TMEM131L: variants seen among roughly 807,000 people sequenced by gnomAD.
TMEM131L encodes transmembrane 131 like.
A neutral mutation model predicts 192.2 loss-of-function variants in TMEM131L; 54 were observed. The observed-to-expected ratio is 0.28, with a 90% CI of 0.23 to 0.35. The LOEUF (loss-of-function observed/expected upper bound fraction) is 0.35, where lower values mean the gene tolerates loss of function less well. Ranked by LOEUF, TMEM131L falls within the 10% of genes least tolerant of loss-of-function variation. TMEM131L has a pLI of 1.00. For missense variants in TMEM131L, 1,888 were observed against 1,972.9 expected (o/e 0.96, Z 0.82); for synonymous variants, 701 against 704.9 (o/e 0.99, Z 0.09).
intron 3 of TMEM131L, among the ~76,000 whole-genome samples, chr4:153,546,547 T>C (rs1737189241): frequency 6.6e-6 from 1 of 152,246 alleles, no homozygotes; most frequent in South Asian, 2.1e-4. Context: ...TATAATTTCT[T>C]GGCACTGATA....
chr4:153,607,561 A>G, intron 25 of TMEM131L, among the ~76,000 whole-genome samples: 1 of 152,170 alleles, frequency 6.6e-6, no homozygotes, highest in Non-Finnish European at 1.5e-5. Context: ...AAAGTATACA[A>G]ATGGTCTGTA....
chr4:153,485,680 T>C (rs1732282027), intron 3 of TMEM131L, among the ~76,000 whole-genome samples: 1 of 152,202 alleles, frequency 6.6e-6, no homozygotes, highest in Admixed American at 6.5e-5. Flanking sequence ...AGTGTTCGAT[T>C]GGTAGTTATG....
intron 4 of TMEM131L, among the ~76,000 whole-genome samples, chr4:153,551,809 A>C (rs965441044): frequency 6.6e-6 from 1 of 152,234 alleles, no homozygotes; most frequent in African/African-American, 2.4e-5. Context: ...AGAAAGTTTA[A>C]TAGAAGCTGA....
rs138928614 is a variant in TMEM131L, at chr4:153,554,045, C to T, written c.309-1742C>T. 1.1e-4 allele frequency: 17 copies of T among 152,270 alleles called. No individual in the cohort carries two copies. The East Asian group carries it at 3.1e-3, about 28-fold the overall frequency. 9.4% of individuals were successfully genotyped at this position (152,270 alleles called of 1,614,324 possible). A position where few individuals can be genotyped will look rare whatever the true frequency, so the allele number is the denominator to read the frequency against. ...CATTCTTATTTTCTCATGTATTTCT[C>T]TGATAGACATTTGTATTCTTAGAAA... On this transcript the variant is annotated intron_variant, in intron 4 of 34. Coordinates refer to ENST00000409959, the MANE Select transcript of TMEM131L (RefSeq NM_001131007.2).
At chr4:153,496,812 A>G (rs546139882) in intron 3 of TMEM131L, among the ~76,000 whole-genome samples, 494 of 150,124 alleles carry the variant, frequency 3.3e-3, no homozygotes, top group Non-Finnish European at 5.6e-3. Flanking sequence ...TTGGCCTCCC[A>G]AAGTGCTGGG....
chr4:153,552,214 A>G (rs1737678713), intron 4 of TMEM131L, among the ~76,000 whole-genome samples: 1 of 152,116 alleles, frequency 6.6e-6, no homozygotes, highest in African/African-American at 2.4e-5. Context: ...CTCTGTCTCA[A>G]AAAAAAGAGT....
At chr4:153,475,562 G>A (rs541728766) in intron 3 of TMEM131L, among the ~76,000 whole-genome samples, 1 of 152,238 alleles carries the variant, frequency 6.6e-6, no homozygotes, top group African/African-American at 2.4e-5. Flanking sequence ...TTTACTTTCT[G>A]TGTTTAATTA....
chr4:153,532,984 C>CTTTTTTTTTTTTTT (rs70963190), intron 3 of TMEM131L, among the ~76,000 whole-genome samples: 52 of 129,670 alleles, frequency 4.0e-4, no homozygotes, highest in African/African-American at 1.4e-3. Context: ...TTTCTCAATT[C>CTTTTTTTTTTTTTT]TTTTTTTTTT....
rs72952880 is a variant in TMEM131L at position 153,627,700 on chromosome 4, C to A, written c.4207+13C>A. On this transcript the variant is annotated intron_variant, in intron 31 of 34. Coordinates refer to ENST00000409959, the MANE Select transcript of TMEM131L (RefSeq NM_001131007.2). ...GAAGAAGATAAAGGTGAGATGCATTCGTCTTGCTGCAGACATCAGCCAAGG... is the reference window on the plus strand; with the variant it reads ...GAAGAAGATAAAGGTGAGATGCATTAGTCTTGCTGCAGACATCAGCCAAGG... 2.6e-3 allele frequency: 4,130 copies of A among 1,601,024 alleles called. 93 individuals carry two copies. The African/African-American group carries it at 0.048, about 19-fold the overall frequency.
chr4:153,576,480 G>A (rs75343113), intron 7 of TMEM131L, among the ~76,000 whole-genome samples: 2 of 152,128 alleles, frequency 1.3e-5, no homozygotes, highest in African/African-American at 4.8e-5. Context: ...TCCGTCCAGA[G>A]ATTTACTAAG....
At chr4:153,497,893 AAAAAAAG>A (rs1392131114) in intron 3 of TMEM131L, among the ~76,000 whole-genome samples, 46 of 151,340 alleles carry the variant, frequency 3.0e-4, no homozygotes, top group African/African-American at 1.1e-3. Flanking sequence ...AAAAAAAAAA[AAAAAAAG>A]AAAAGTTGAG....
chr4:153,581,597 A>G, intron 9 of TMEM131L, 37 bp downstream of exon 9: 1 of 1,341,116 alleles, frequency 7.5e-7, no homozygotes. Flanking sequence ...TTATATTTTC[A>G]TCAGTCTGCA....
chr4:153,597,789 T>G (rs1731546677), intron 20 of TMEM131L, among the ~76,000 whole-genome samples: 1 of 152,044 alleles, frequency 6.6e-6, no homozygotes, highest in Admixed American at 6.5e-5. Context: ...AAGTATTAGC[T>G]GGGCATGGTG....
At chr4:153,610,512 A>G (rs17030238) in intron 25 of TMEM131L, among the ~76,000 whole-genome samples, 7,269 of 152,222 alleles carry the variant, frequency 0.048, 341 homozygotes, top group East Asian at 0.19. Context: ...ATAAGACCTA[A>G]TATGTCCTGG....
intron 7 of TMEM131L, among the ~76,000 whole-genome samples, chr4:153,572,724 T>TACCATTTTC (rs1336106407): frequency 6.6e-6 from 1 of 152,220 alleles, no homozygotes; most frequent in African/African-American, 2.4e-5. Flanking sequence ...ACACAAAATT[T>TACCATTTTC]ACCATTTTCA....
At chr4:153,551,320 C>G (rs975168066) in intron 4 of TMEM131L, among the ~76,000 whole-genome samples, 4 of 151,870 alleles carry the variant, frequency 2.6e-5, no homozygotes, top group African/African-American at 9.7e-5. Context: ...TTCTAATCAT[C>G]AAAATGTTAG....
At chr4:153,563,075 C>T (rs1578751428) in intron 7 of TMEM131L, among the ~76,000 whole-genome samples, 1 of 152,114 alleles carries the variant, frequency 6.6e-6, no homozygotes, top group East Asian at 1.9e-4. Context: ...AAAAAATTAT[C>T]TGGCTTCAGC....
At chr4:153,632,129 A>G (rs1734252894) in intron 31 of TMEM131L, among the ~76,000 whole-genome samples, 2 of 152,184 alleles carry the variant, frequency 1.3e-5, no homozygotes, top group African/African-American at 2.4e-5. Flanking sequence ...CCTGGTCAAC[A>G]TGGTGAAACC....
intron 14 of TMEM131L, among the ~76,000 whole-genome samples, chr4:153,587,294 T>C (rs1011465677): frequency 1.3e-5 from 2 of 151,786 alleles, no homozygotes; most frequent in East Asian, 3.8e-4. Flanking sequence ...TTGTTATAGA[T>C]TGGCATACTG....
Sources: allele counts gnomAD v4.1 joint callset (sites outside exome capture counted in the v4.1 genomes callset), GRCh38; gene constraint gnomAD v4.1.1; transcripts MANE v1.5; gene names NCBI Gene and HGNC (gene_info 2026-07-23, HGNC 2026-07-21).